HOXD3: variants seen among roughly 807,000 people sequenced by gnomAD.
The protein encoded by HOXD3 is homeobox D3.
In HOXD3, 13 loss-of-function variants were observed where a neutral mutation model predicts 32.8. That is an observed-to-expected ratio of 0.40 (90% CI 0.26 to 0.63). The LOEUF is 0.63. HOXD3 is among the 20% of genes least tolerant of loss of function. The pLI, the probability that HOXD3 is intolerant of heterozygous loss-of-function variation, is 0.44. For synonymous variants in HOXD3, 241 were observed against 246.8 expected (o/e 0.98, Z 0.22); for missense variants, 504 against 577.1 (o/e 0.87, Z 1.30).
At chr2:176,163,523 G>T (rs1032932362) in intron 1 of HOXD3, among the ~76,000 whole-genome samples, 1 of 152,162 alleles carries the variant, frequency 6.6e-6, no homozygotes, top group African/African-American at 2.4e-5. Context: ...CTCAGGGAAA[G>T]CATCTGATAT....
At chr2:176,168,473 CAGG>C (rs1366594351) in intron 2 of HOXD3, among the ~76,000 whole-genome samples, 1 of 152,042 alleles carries the variant, frequency 6.6e-6, no homozygotes, top group Non-Finnish European at 1.5e-5. Flanking sequence ...GAGGCTGAGG[CAGG>C]AGAATTGCTT....
chr2:176,165,904 T>C (rs1371581249), intron 2 of HOXD3, among the ~76,000 whole-genome samples: 1 of 152,164 alleles, frequency 6.6e-6, no homozygotes, highest in Non-Finnish European at 1.5e-5. Context: ...GACCCGTTCC[T>C]GCTTTTTAGG....
Position 176,169,100 on chromosome 2 carries a change from A to G in HOXD3, c.-15A>G. On this transcript the variant is annotated 5_prime_UTR_variant, in exon 3 of 4. Coordinates refer to ENST00000683222, the MANE Select transcript of HOXD3 (RefSeq NM_006898.5). ...CAGACATTGGAGGTGGCAGTGAAGG[A>G]TACAGTGGTAGTCAATGTTATTTGA... The G allele has an allele frequency of 1.3e-6, 2 of 1,592,074 alleles. No individual in the cohort carries two copies. Among genetic ancestry groups the G allele is most frequent in the Non-Finnish European group, 1.7e-6 (2 of 1,168,316 alleles).
chr2:176,165,016 C>G (rs1690919901), intron 2 of HOXD3: 1 of 152,266 alleles, frequency 6.6e-6, no homozygotes, highest in African/African-American at 2.4e-5. Flanking sequence ...AGCAGAGCTG[C>G]TAGCAGAAGC....
upstream of HOXD3, among the ~76,000 whole-genome samples, chr2:176,154,879 A>G (rs1331332715): frequency 6.6e-6 from 1 of 152,240 alleles, no homozygotes; most frequent in Admixed American, 6.5e-5. Flanking sequence ...AAAAGCACAG[A>G]GTTCATACAT....
upstream of HOXD3, chr2:176,153,031 C>G (rs989578598): frequency 3.1e-6 from 4 of 1,288,062 alleles, no homozygotes; most frequent in Non-Finnish European, 4.5e-6. Context: ...CCTCGCTGGG[C>G]TCTAAGGTAC....
rs1574989037 is a variant in HOXD3 at position 176,171,648 on chromosome 2, G to A, written c.673G>A (p.Val225Met). 2 of 1,614,226 alleles carry A rather than the reference G, an allele frequency of 1.2e-6. No homozygotes were observed. Among genetic ancestry groups the A allele is most frequent in the Non-Finnish European group, 1.7e-6 (2 of 1,180,048 alleles). ...FNRYLCRPRR[V>M]EMANLLNLTE... is the part of the protein sequence containing the mutation. ...CCGCTACTTGTGCCGGCCGCGCCGC[G>A]TGGAGATGGCCAACCTGCTGAATCT... Residue 225 changes from valine to methionine, a missense_variant, in exon 4 of 4, where the codon GTG becomes ATG. Transcript: ENST00000683222.
At chr2:176,158,086 C>A (rs1319965532) in intron 1 of HOXD3, among the ~76,000 whole-genome samples, 1 of 152,342 alleles carries the variant, frequency 6.6e-6, no homozygotes, top group Non-Finnish European at 1.5e-5. Context: ...CCCCGCTCCT[C>A]TCTCCCCACC....
At chr2:176,156,882 C>G (rs546953209), upstream of HOXD3, among the ~76,000 whole-genome samples, 50 of 152,308 alleles carry the variant, frequency 3.3e-4, no homozygotes, top group African/African-American at 1.2e-3. Context: ...GACGCGTGGA[C>G]ATGTGTATTT....
chr2:176,158,200 G>T (rs1001458945), intron 1 of HOXD3, among the ~76,000 whole-genome samples: 1 of 152,168 alleles, frequency 6.6e-6, no homozygotes, highest in African/African-American at 2.4e-5. Flanking sequence ...AAATAAACGC[G>T]AGAAGAAGTC....
Position 176,172,884 on chromosome 2 carries a change from A to G in HOXD3, c.*610A>G, listed in dbSNP as rs1055764203. On this transcript the variant is annotated 3_prime_UTR_variant, in exon 4 of 4. Transcript: ENST00000683222. ...CCTGGTCTGAACTAGTTGAGAGAGT[A>G]GTTTTGAACAGTCGTAACCGTGGCT... is the stretch of plus-strand genomic sequence containing the variant. 7 of 152,898 alleles carry G rather than the reference A, an allele frequency of 4.6e-5. No homozygotes were observed. Among genetic ancestry groups the G allele is most frequent in the African/African-American group, 1.4e-4 (6 of 41,468 alleles). The allele number at this position is 152,898 out of a possible 1,614,324, so 9.5% of individuals were successfully genotyped here.
chr2:176,161,552 T>A lies in HOXD3; in HGVS notation c.-180-2521T>A, dbSNP rs144327418. ...CGGGCTGGGTGCAGGCGGGTTGATT[T>A]ATATGTATTTAAAATAAACTCGGTG... On this transcript the variant is annotated intron_variant, in intron 1 of 3. Transcript: ENST00000683222. 1.9e-3 allele frequency among the ~76,000 whole-genome samples: 288 copies of A among 152,340 alleles called. 4 individuals are homozygous for A. Among genetic ancestry groups the A allele is most frequent in the African/African-American group, 6.5e-3 (271 of 41,584 alleles).
At chr2:176,159,820 C>T (rs1225359158) in intron 1 of HOXD3, among the ~76,000 whole-genome samples, 1 of 152,230 alleles carries the variant, frequency 6.6e-6, no homozygotes, top group Non-Finnish European at 1.5e-5. Context: ...AGCGGGAAGT[C>T]GCGGCTTGGC....
At chr2:176,157,124 T>C (rs1014504367), upstream of HOXD3, among the ~76,000 whole-genome samples, 1 of 152,154 alleles carries the variant, frequency 6.6e-6, no homozygotes, top group African/African-American at 2.4e-5. Flanking sequence ...GCCCGCCATG[T>C]TGGGGAGCCC....
At chr2:176,168,499 G>A (rs370163459) in intron 2 of HOXD3, among the ~76,000 whole-genome samples, 3 of 151,966 alleles carry the variant, frequency 2.0e-5, no homozygotes, top group Non-Finnish European at 2.9e-5. Context: ...ACCCAGAGGC[G>A]TAGGTTGCAG....
rs757008603 is a variant in HOXD3 at position 176,171,825 on chromosome 2, G to C, written c.850G>C (p.Gly284Arg). The C allele has an allele frequency of 6.2e-7, 1 of 1,608,694 alleles. No homozygotes were observed. The highest frequency in any genetic ancestry group is 8.5e-7 in the Non-Finnish European group (1 of 1,177,558). Residue 284 changes from glycine to arginine, a missense_variant, in exon 4 of 4, where the codon GGC becomes CGC. By Grantham distance (125) the Gly-to-Arg change is moderately radical. Around this residue, in one of 3 missense-constraint regions of HOXD3, gnomAD observed 226 missense variants for 246.9 expected, o/e 0.92. Coordinates refer to ENST00000683222, the MANE Select transcript of HOXD3 (RefSeq NM_006898.5). ...CGCCGCTGGCCACGTGGCCTACTCCGGCCAGCTGCCGCCAGTGCCCGGCCT... is the reference window on the plus strand; with the variant it reads ...CGCCGCTGGCCACGTGGCCTACTCCCGCCAGCTGCCGCCAGTGCCCGGCCT... ...GGAAGHVAYS[G>R]QLPPVPGLAY...
chr2:176,153,060 C>A, upstream of HOXD3: 3 of 791,158 alleles, frequency 3.8e-6, no homozygotes, highest in East Asian at 4.5e-5. Context: ...GGACCTGGGA[C>A]AAGCAGGCCG....
chr2:176,156,329 CAG>C (rs141618770), upstream of HOXD3, among the ~76,000 whole-genome samples: 1,443 of 152,282 alleles, frequency 9.5e-3, 12 homozygotes, highest in Middle Eastern at 0.031. Flanking sequence ...ATTCAGGGTA[CAG>C]AGTGTTGGGT....
At position 176,172,133 on chromosome 2, in the gene HOXD3, C is replaced by A; in HGVS notation, c.1158C>A (p.Ser386Arg). 6.2e-7 allele frequency: 1 copy of A among 1,613,166 alleles called. No individual in the cohort carries two copies. Among genetic ancestry groups the A allele is most frequent in the Non-Finnish European group, 8.5e-7 (1 of 1,179,988 alleles). ...ACCTCTCGCACCCGTCGTCGGCCAG[C>A]GTGGACTACAGTTGCGCCGCGCAGA... ...LGHLSHPSSA[S>R]VDYSCAAQIP... The change falls in exon 4 of 4, where the codon AGC becomes AGA. Residue 386 changes from serine (S) to arginine (R), a missense_variant. By Grantham distance (110) the Ser-to-Arg change is moderately radical. This residue lies in a region of HOXD3 where 226 missense variants were observed against 246.9 expected (regional missense o/e 0.92). Transcript: ENST00000683222.
Sources: gnomAD v4.1 joint callset for allele counts (sites outside exome capture counted in the v4.1 genomes callset) on GRCh38, gnomAD v4.1.1 for gene constraint, gnomAD v4.1.1 regional missense constraint, MANE v1.5 for transcripts, NCBI Gene and HGNC (gene_info 2026-07-23, HGNC 2026-07-21) for gene names.